Variants in MYO1E observed in about 807,000 individuals in gnomAD.
MYO1E encodes myosin IE.
A neutral mutation model predicts 151.1 loss-of-function variants in MYO1E; 68 were observed. The ratio of observed to expected loss-of-function variants is 0.45; its 90% CI spans 0.37 to 0.55. MYO1E has a LOEUF of 0.55. Ranked by LOEUF, MYO1E falls within the 20% of genes least tolerant of loss-of-function variation. MYO1E has a pLI of 0.00. For missense variants in MYO1E, 1,363 were observed against 1,389.3 expected, an observed-to-expected ratio of 0.98 and a Z score of 0.30; for synonymous variants, 601 against 501.7, an observed-to-expected ratio of 1.20 and a Z score of -2.64.
At chr15:59,326,508 C>A (rs544039077) in intron 1 of MYO1E, among the ~76,000 whole-genome samples, 3 of 152,178 alleles carry the variant, frequency 2.0e-5, no homozygotes, top group Non-Finnish European at 4.4e-5. Context: ...GGCGACAGAG[C>A]AAGACTCCAT....
At position 59,134,556 on chromosome 15, in the gene MYO1E, G is replaced by A. The variant is rs1255585025; in HGVS notation, c.*2824C>T. ...GGATACCACCCTTATACAGACCTCT[G>A]TCTCTCTCTCTTCTACAACTAAAGC... On this transcript the variant is annotated 3_prime_UTR_variant, in exon 28 of 28. Transcript: ENST00000288235. The A allele has an allele frequency of 6.6e-6, 1 of 152,090 alleles. No homozygotes were observed. Among genetic ancestry groups the A allele is most frequent in the African/African-American group, 2.4e-5 (1 of 41,418 alleles). The allele number at this position is 152,090 out of a possible 1,614,324, so 9.4% of individuals were successfully genotyped here. A position where few individuals can be genotyped will look rare whatever the true frequency, so the allele number is the denominator to read the frequency against.
intron 1 of MYO1E, among the ~76,000 whole-genome samples, chr15:59,290,246 C>T (rs927098914): frequency 4.6e-5 from 7 of 152,090 alleles, no homozygotes; most frequent in African/African-American, 1.2e-4. Context: ...ATTCCCCACT[C>T]GGTGAAAATA....
intron 18 of MYO1E, among the ~76,000 whole-genome samples, chr15:59,180,369 G>A (rs890716690): frequency 1.4e-4 from 22 of 152,162 alleles, no homozygotes; most frequent in Non-Finnish European, 2.4e-4. Context: ...TTCATGGAGG[G>A]TAGAAGTGAG....
At chr15:59,192,740 A>G (rs945511508) in intron 17 of MYO1E, among the ~76,000 whole-genome samples, 6 of 152,246 alleles carry the variant, frequency 3.9e-5, no homozygotes, top group African/African-American at 1.4e-4. Context: ...TCTGCTTCCA[A>G]GACTCTCATG....
chr15:59,328,280 C>T (rs186362722), intron 1 of MYO1E, among the ~76,000 whole-genome samples: 334 of 152,224 alleles, frequency 2.2e-3, no homozygotes, highest in African/African-American at 7.3e-3. Flanking sequence ...TGCTTAGTCC[C>T]GTCTACCTCC....
chr15:59,356,486 T>C (rs1309750675), intron 1 of MYO1E, among the ~76,000 whole-genome samples: 1 of 152,234 alleles, frequency 6.6e-6, no homozygotes, highest in Non-Finnish European at 1.5e-5. Context: ...TTGTAGGCAG[T>C]TCTGCATCCT....
At chr15:59,147,099 C>T (rs1055174864) in intron 26 of MYO1E, among the ~76,000 whole-genome samples, 1 of 152,110 alleles carries the variant, frequency 6.6e-6, no homozygotes, top group Admixed American at 6.5e-5. Context: ...ATACTTGCCC[C>T]GAGACATTTG....
At chr15:59,265,880 T>A (rs1439446070) in intron 2 of MYO1E, among the ~76,000 whole-genome samples, 1 of 150,086 alleles carries the variant, frequency 6.7e-6, no homozygotes, top group Non-Finnish European at 1.5e-5. Context: ...GGTGGGAGGA[T>A]CACTTAGGCC....
chr15:59,261,212 AT>A (rs1475893696), intron 3 of MYO1E, among the ~76,000 whole-genome samples: 7 of 151,522 alleles, frequency 4.6e-5, no homozygotes, highest in Non-Finnish European at 1.0e-4. Context: ...CTCAAAAAAA[AT>A]AATAATAATA....
At chr15:59,245,709 C>T (rs761628642) in intron 4 of MYO1E, among the ~76,000 whole-genome samples, 1 of 152,130 alleles carries the variant, frequency 6.6e-6, no homozygotes, top group African/African-American at 2.4e-5. Context: ...CTGATTTAGG[C>T]CAAAAGTGAT....
intron 1 of MYO1E, among the ~76,000 whole-genome samples, chr15:59,324,663 G>GCCCCCCC (rs10717159): frequency 1.4e-5 from 2 of 147,984 alleles, no homozygotes; most frequent in African/African-American, 2.5e-5. Context: ...CCCATCCCAA[G>GCCCCCCC]CCCCCCCCCC....
intron 26 of MYO1E, among the ~76,000 whole-genome samples, chr15:59,145,249 G>T (rs1374671909): frequency 6.6e-6 from 1 of 152,170 alleles, no homozygotes; most frequent in Non-Finnish European, 1.5e-5. Context: ...AGGAGGAAGG[G>T]ATTACACACC....
chr15:59,342,590 C>A (rs1282854233), intron 1 of MYO1E, among the ~76,000 whole-genome samples: 1 of 152,136 alleles, frequency 6.6e-6, no homozygotes, highest in Non-Finnish European at 1.5e-5. Context: ...CTTTTGATTG[C>A]AGAGTTTAGT....
chr15:59,299,309 C>G (rs2080468672), intron 1 of MYO1E, among the ~76,000 whole-genome samples: 1 of 152,202 alleles, frequency 6.6e-6, no homozygotes, highest in Admixed American at 6.5e-5. Flanking sequence ...CAAAATTCCT[C>G]AGGCTTCATA....
intron 15 of MYO1E, among the ~76,000 whole-genome samples, 157 bp from the exon 16 acceptor site, chr15:59,202,564 C>A (rs1427752557): frequency 1.1e-4 from 17 of 152,230 alleles, no homozygotes; most frequent in African/African-American, 3.9e-4. Context: ...CAAGATGTGA[C>A]TTGGGGAAAT....
intron 4 of MYO1E, among the ~76,000 whole-genome samples, chr15:59,245,488 T>C (rs1314126995): frequency 1.3e-5 from 2 of 152,192 alleles, no homozygotes; most frequent in Non-Finnish European, 2.9e-5. Context: ...CTCGCCTCTA[T>C]TTATTATTTA....
At chr15:59,361,980 G>T (rs1351738229) in intron 1 of MYO1E, among the ~76,000 whole-genome samples, 1 of 152,048 alleles carries the variant, frequency 6.6e-6, no homozygotes, top group African/African-American at 2.4e-5. Flanking sequence ...GGGATTACGG[G>T]CGTCTACCAC....
chr15:59,247,245 C>T (rs1292542015), intron 4 of MYO1E, among the ~76,000 whole-genome samples: 1 of 152,166 alleles, frequency 6.6e-6, no homozygotes, highest in Admixed American at 6.5e-5. Context: ...GAGTGAGAGA[C>T]TTTAATCCTA....
Position 59,261,178 on chromosome 15 carries a change from T to A in MYO1E, c.237+242A>T, listed in dbSNP as rs115671323. Among the ~76,000 whole-genome samples the A allele has an allele frequency of 5.9e-3, 897 of 151,612 alleles. 12 individuals carry two copies. The highest frequency in any genetic ancestry group is 0.021 in the African/African-American group (848 of 41,302). On this transcript the variant is annotated intron_variant, in intron 3 of 27. Coordinates refer to ENST00000288235, the MANE Select transcript of MYO1E (RefSeq NM_004998.4). The stretch of plus-strand genomic sequence containing the variant: ...CAGTGAGCGGAGATCATGCCCAGCC[T>A]GGGCAACAAGAGCAAAATTCTGTCT...
Sources: allele counts gnomAD v4.1 joint callset (sites outside exome capture counted in the v4.1 genomes callset), GRCh38; gene constraint gnomAD v4.1.1; transcripts MANE v1.5; gene names NCBI Gene and HGNC (gene_info 2026-07-23, HGNC 2026-07-21).